Variants in DENND2A observed in about 807,000 individuals in gnomAD.
DENND2A encodes DENN domain-containing protein 2A.
Under a neutral mutation model 105.3 loss-of-function variants are expected in DENND2A, and 53 were observed. That is an observed-to-expected ratio of 0.50 (90% CI 0.40 to 0.63). The LOEUF is 0.63. Ranked by LOEUF, DENND2A falls within the 30% of genes least tolerant of loss-of-function variation. The pLI is 0.00. For synonymous variants in DENND2A, 522 were observed against 508.4 expected (o/e 1.03, Z -0.36); for missense variants, 1,138 against 1,279.6 (o/e 0.89, Z 1.69).
intron 1 of DENND2A, among the ~76,000 whole-genome samples, chr7:140,617,865 A>G (rs1800140686): frequency 6.6e-6 from 1 of 152,344 alleles, no homozygotes; most frequent in Admixed American, 6.5e-5. Context: ...GAGGCAGCTA[A>G]AGATGCATAT....
At chr7:140,596,518 G>A (rs1457243472) in intron 3 of DENND2A, among the ~76,000 whole-genome samples, 2 of 152,168 alleles carry the variant, frequency 1.3e-5, no homozygotes, top group South Asian at 4.1e-4. Flanking sequence ...GTGGGGATCC[G>A]TATCAGTCCC....
chr7:140,536,674 T>A (rs1563123718), intron 14 of DENND2A, among the ~76,000 whole-genome samples: 1 of 150,772 alleles, frequency 6.6e-6, no homozygotes, highest in African/African-American at 2.5e-5. Flanking sequence ...AAAATTGTAT[T>A]TTTTTTTTGA....
In DENND2A at chr7:140,602,050, G is replaced by T; in HGVS notation, c.348C>A (p.Asn116Lys). 1 of 1,614,154 alleles carries T rather than the reference G, an allele frequency of 6.2e-7. No homozygotes were observed. The highest frequency in any genetic ancestry group is 8.5e-7 in the Non-Finnish European group (1 of 1,180,020). ...TEKERNKGAV[N>K]VGGQDPEPGQ... The stretch of plus-strand genomic sequence containing the variant: ...CCGGCTCTGGGTCCTGTCCCCCGAC[G>T]TTCACTGCTCCTTTATTCCTCTCCT... The change falls in exon 3 of 20, where the codon AAC (asparagine) becomes AAA (lysine). Residue 116 changes from asparagine to lysine, a missense_variant. This residue lies in a region of DENND2A where 511 missense variants were observed against 499.9 expected (regional missense o/e 1.02). Transcript: ENST00000496613.
chr7:140,550,309 CAG>C (rs1732349884), intron 12 of DENND2A, among the ~76,000 whole-genome samples: 1 of 152,140 alleles, frequency 6.6e-6, no homozygotes, highest in Admixed American at 6.6e-5. Flanking sequence ...TCTCCTGCCT[CAG>C]CCTCCCGAGT....
chr7:140,577,129 G>A (rs1798330920), intron 5 of DENND2A, among the ~76,000 whole-genome samples: 1 of 152,192 alleles, frequency 6.6e-6, no homozygotes, highest in South Asian at 2.1e-4. Context: ...AATGTTCAGG[G>A]AGCTTTCATG....
chr7:140,549,183 G>A (rs1308567377), intron 12 of DENND2A, among the ~76,000 whole-genome samples: 4 of 151,488 alleles, frequency 2.6e-5, no homozygotes, highest in African/African-American at 9.7e-5. Flanking sequence ...CTGAGATCGC[G>A]CCATTGCACT....
At chr7:140,550,127 A>T (rs190020570) in intron 12 of DENND2A, among the ~76,000 whole-genome samples, 1 of 108,770 alleles carries the variant, frequency 9.2e-6, no homozygotes, top group Non-Finnish European at 1.8e-5. Flanking sequence ...AGGGGAGGGG[A>T]TAGGGGTGGG....
At position 140,590,895 on chromosome 7, in the gene DENND2A, A is replaced by AATAATAATAATAATAATAATAATAAT. The variant is rs775140274; in HGVS notation, c.996-3116_996-3115insATTATTATTATTATTATTATTATTAT. On this transcript the variant is annotated intron_variant, in intron 3 of 19. Transcript: ENST00000496613. ...TTCTGGGGAATAATAATAATAATAA[A>AATAATAATAATAATAATAATAATAAT]AAAAAGGTCAGCCATGCTTTACATT... 3.0e-3 allele frequency among the ~76,000 whole-genome samples: 458 copies of AATAATAATAATAATAATAATAATAAT among 151,964 alleles called. 4 individuals are homozygous for AATAATAATAATAATAATAATAATAAT. The highest frequency in any genetic ancestry group is 0.01 in the Middle Eastern group (3 of 294).
rs1020591762 is a variant in DENND2A, at chr7:140,602,512, T to C, written c.-115A>G. 6.6e-5 allele frequency: 78 copies of C among 1,187,070 alleles called. No individual in the cohort carries two copies. Among genetic ancestry groups the C allele is most frequent in the Non-Finnish European group, 7.7e-5 (68 of 880,604 alleles). 73.5% of individuals were successfully genotyped at this position (1,187,070 alleles called of 1,614,324 possible). A position where few individuals can be genotyped will look rare whatever the true frequency, so the allele number is the denominator to read the frequency against. The stretch of plus-strand genomic sequence containing the variant: ...ACTAAAGTGGATGCCTTCGAGGGTC[T>C]TTCTCAGTCCTTGGACCTTCCACCT... On this transcript the variant is annotated 5_prime_UTR_variant, in exon 3 of 20. Coordinates refer to ENST00000496613, the MANE Select transcript of DENND2A (RefSeq NM_015689.5).
At chr7:140,594,203 C>A (rs948896844) in intron 3 of DENND2A, among the ~76,000 whole-genome samples, 1 of 152,076 alleles carries the variant, frequency 6.6e-6, no homozygotes, top group Non-Finnish European at 1.5e-5. Flanking sequence ...CCACCGTGCC[C>A]GGCCTTAAAC....
At chr7:140,624,302 T>C (rs1800417574) in intron 1 of DENND2A, among the ~76,000 whole-genome samples, 1 of 152,076 alleles carries the variant, frequency 6.6e-6, no homozygotes, top group Non-Finnish European at 1.5e-5. Context: ...TAAATGACAG[T>C]GCTTCTCAGA....
intron 1 of DENND2A, chr7:140,609,772 T>C (rs1002840355): frequency 5.3e-5 from 8 of 152,242 alleles, no homozygotes; most frequent in Non-Finnish European, 1.0e-4. Flanking sequence ...GTAAAATCTT[T>C]TCTTGGCTCA....
intron 17 of DENND2A, among the ~76,000 whole-genome samples, chr7:140,522,722 C>T (rs111542697): frequency 0.12 from 18,213 of 151,892 alleles, 1,211 homozygotes; most frequent in Admixed American, 0.17. Context: ...ATTCTCCTGC[C>T]TCAGACTCCC....
intron 14 of DENND2A, among the ~76,000 whole-genome samples, chr7:140,540,169 T>C (rs531959471): frequency 6.6e-6 from 1 of 152,350 alleles, no homozygotes; most frequent in Non-Finnish European, 1.5e-5. Context: ...TACTGTACCA[T>C]GGCCTGGCTC....
intron 3 of DENND2A, among the ~76,000 whole-genome samples, chr7:140,591,229 G>A (rs766589329): frequency 1.3e-5 from 2 of 151,986 alleles, no homozygotes; most frequent in East Asian, 1.9e-4. Flanking sequence ...CCAGGGAGTC[G>A]GAGGATGCAG....
chr7:140,573,692 G>T, intron 6 of DENND2A, 116 bp downstream of exon 6: 1 of 1,211,972 alleles, frequency 8.3e-7, no homozygotes, highest in Non-Finnish European at 1.2e-6. Context: ...CTGGCCTGCA[G>T]CAACACAGGT....
At chr7:140,627,403 C>T (rs1800572494) in intron 1 of DENND2A, among the ~76,000 whole-genome samples, 1 of 151,842 alleles carries the variant, frequency 6.6e-6, no homozygotes, top group Non-Finnish European at 1.5e-5. Flanking sequence ...TTGGTAGAGA[C>T]GGGGTTTCAC....
chr7:140,579,074 T>C (rs1400480369), intron 5 of DENND2A, among the ~76,000 whole-genome samples: 1 of 152,004 alleles, frequency 6.6e-6, no homozygotes, highest in African/African-American at 2.4e-5. Flanking sequence ...GTTGGGCGGA[T>C]CACAAGGTCA....
At chr7:140,584,796 G>A (rs2130643176) in intron 5 of DENND2A, among the ~76,000 whole-genome samples, 1 of 152,160 alleles carries the variant, frequency 6.6e-6, no homozygotes, top group South Asian at 2.1e-4. Context: ...ACATGTGTAA[G>A]TTTACATATA....
Sources: gnomAD v4.1 joint callset for allele counts (sites outside exome capture counted in the v4.1 genomes callset) on GRCh38, gnomAD v4.1.1 for gene constraint, gnomAD v4.1.1 regional missense constraint, MANE v1.5 for transcripts, NCBI Gene and HGNC (gene_info 2026-07-23, HGNC 2026-07-21) for gene names.